Variants in PCDHGA4 observed in about 807,000 individuals in gnomAD.
PCDHGA4 encodes the protein protocadherin gamma-A4.
PCDHGA4 carries 38 observed loss-of-function variants against 54.6 expected under a neutral mutation model. The observed-to-expected ratio is 0.70, with a 90% CI of 0.54 to 0.91. The LOEUF (loss-of-function observed/expected upper bound fraction) is 0.91, where lower values mean the gene tolerates loss of function less well. PCDHGA4 is among the 40% of genes least tolerant of loss of function. The pLI, the probability that PCDHGA4 is intolerant of heterozygous loss-of-function variation, is 0.00. For missense variants in PCDHGA4, 1,298 were observed against 1,220.9 expected, an observed-to-expected ratio of 1.06 and a Z score of -0.94; for synonymous variants, 511 against 512.9, an observed-to-expected ratio of 1.00 and a Z score of 0.05.
chr5:141,384,366 T>C (rs573164893), intron 1 of PCDHGA4: 2 of 1,613,896 alleles, frequency 1.2e-6, no homozygotes, highest in Middle Eastern at 1.6e-4. Flanking sequence ...AGATCACTTA[T>C]TCCTTGGCCG....
At chr5:141,427,249 G>A (rs1417336994) in intron 1 of PCDHGA4, 1 of 456,742 alleles carries the variant, frequency 2.2e-6, no homozygotes, top group African/African-American at 2.0e-5. Context: ...GCTAAGGATG[G>A]TGGAGGCATG....
chr5:141,409,233 G>A, intron 1 of PCDHGA4: 2 of 1,614,008 alleles, frequency 1.2e-6, no homozygotes, highest in Non-Finnish European at 1.7e-6. Flanking sequence ...AACGACAACA[G>A]CCCAGAAATA....
intron 2 of PCDHGA4, among the ~76,000 whole-genome samples, chr5:141,496,903 A>G (rs990378360): frequency 1.1e-4 from 16 of 150,744 alleles, no homozygotes; most frequent in Non-Finnish European, 2.4e-4. Flanking sequence ...AAAAAAAAAA[A>G]GGCTGGGCAC....
intron 1 of PCDHGA4, chr5:141,400,435 A>G (rs2094019562): frequency 6.2e-7 from 1 of 1,614,078 alleles, no homozygotes. Flanking sequence ...TGAGCAATTG[A>G]GTTCAGGACA....
rs146574799 is a variant in PCDHGA4, at chr5:141,487,337, G to A, written c.2515-7470G>A. The A allele has an allele frequency of 1.4e-5, 23 of 1,614,054 alleles. No individual in the cohort carries two copies. The highest frequency in any genetic ancestry group is 3.3e-5 in the Admixed American group (2 of 60,002). The stretch of plus-strand genomic sequence containing the variant: ...TAAGTGTCTTCGTGGGGCAGCCTGT[G>A]GAGTCACATGCTTTCCTGCTGGCAC... On this transcript the variant is annotated intron_variant, in intron 1 of 3. Coordinates refer to ENST00000571252, the MANE Select transcript of PCDHGA4 (RefSeq NM_018917.4). The surrounding 1 kb of genome is among the most constrained non-coding windows in gnomAD (Gnocchi z 5.0).
chr5:141,410,332 C>T (rs541138780), intron 1 of PCDHGA4: 2 of 1,614,002 alleles, frequency 1.2e-6, no homozygotes, highest in Non-Finnish European at 1.7e-6. Context: ...TGATTCTGGC[C>T]ATTGCCTTGC....
At chr5:141,374,338 C>T in intron 1 of PCDHGA4, 1 of 1,613,994 alleles carries the variant, frequency 6.2e-7, no homozygotes, top group Non-Finnish European at 8.5e-7. Context: ...GCAGCTTGGT[C>T]ACCGCGGGTA....
intron 1 of PCDHGA4, chr5:141,389,656 C>T (rs763730959): frequency 1.2e-6 from 2 of 1,612,538 alleles, no homozygotes; most frequent in Non-Finnish European, 1.7e-6. Context: ...AAGGTAGTGG[C>T]GGTGGACGCA....
intron 1 of PCDHGA4, among the ~76,000 whole-genome samples, chr5:141,467,039 A>G (rs1467529268): frequency 2.6e-5 from 4 of 150,960 alleles, no homozygotes; most frequent in Non-Finnish European, 5.9e-5. Context: ...TTTTTTGTGT[A>G]ATGAATCAAT....
chr5:141,422,092 G>A (rs2154549502), intron 1 of PCDHGA4: 6 of 1,611,520 alleles, frequency 3.7e-6, no homozygotes, highest in Non-Finnish European at 5.1e-6. Flanking sequence ...GGAAAGCAAG[G>A]CTTCTGAAAT....
At chr5:141,483,737 G>T (rs1052778197) in intron 1 of PCDHGA4, among the ~76,000 whole-genome samples, 1 of 152,102 alleles carries the variant, frequency 6.6e-6, no homozygotes, top group Admixed American at 6.5e-5. Flanking sequence ...TAGTCAAAAG[G>T]ATATTCCTGA....
intron 1 of PCDHGA4, chr5:141,409,290 G>T: frequency 6.2e-7 from 1 of 1,613,974 alleles, no homozygotes; most frequent in Non-Finnish European, 8.5e-7. Flanking sequence ...TCACCTCCAG[G>T]AATGGTTGTT....
chr5:141,392,498 A>AT (rs201401101), intron 1 of PCDHGA4: 334 of 217,284 alleles, frequency 1.5e-3, no homozygotes, highest in East Asian at 0.014. Flanking sequence ...TAAGCAAATG[A>AT]TTTTTTTTTC....
Position 141,355,053 on chromosome 5 carries a change from G to A in PCDHGA4, c.-55G>A, listed in dbSNP as rs1759700050. On this transcript the variant is annotated 5_prime_UTR_variant, in exon 1 of 4. Coordinates refer to ENST00000571252, the MANE Select transcript of PCDHGA4 (RefSeq NM_018917.4). ...CAAGATTTCTGCAGCACAAAGCACT[G>A]GCTCTGGAGCTTTATGAAAGCTTCA... 3 of 1,205,186 alleles carry A rather than the reference G, an allele frequency of 2.5e-6. No individual in the cohort carries two copies. Among genetic ancestry groups the A allele is most frequent in the Non-Finnish European group, 3.4e-6 (3 of 886,526 alleles). The allele number at this position is 1,205,186 out of a possible 1,614,324, so 74.7% of individuals were successfully genotyped here.
Position 141,453,270 on chromosome 5 carries a change from T to C in PCDHGA4, c.2515-41537T>C, listed in dbSNP as rs1592250907. 4.6e-5 allele frequency among the ~76,000 whole-genome samples: 7 copies of C among 152,146 alleles called. No homozygotes were observed. In the South Asian group the frequency reaches 1.5e-3, roughly 32 times the overall value. On this transcript the variant is annotated intron_variant, in intron 1 of 3. Transcript: ENST00000571252. The stretch of plus-strand genomic sequence containing the variant: ...CTGGGGCTGCAAGTGCACACCACCA[T>C]GACTGGCTAATTTTTTAATTATTTA...
chr5:141,369,800 C>T lies in PCDHGA4; in HGVS notation c.2514+12179C>T, dbSNP rs192992906. 3.3e-3 allele frequency among the ~76,000 whole-genome samples: 501 copies of T among 152,282 alleles called. 3 individuals are homozygous for T. Among genetic ancestry groups the T allele is most frequent in the Non-Finnish European group, 5.3e-3 (361 of 68,024 alleles). ...AAGCCTCTTTATACTACGTCTTCTG[C>T]CATCACCAAAAATAGCTTCCATTTG... On this transcript the variant is annotated intron_variant, in intron 1 of 3. Transcript: ENST00000571252.
At chr5:141,383,532 C>T (rs1249909520) in intron 1 of PCDHGA4, 4 of 1,612,320 alleles carry the variant, frequency 2.5e-6, no homozygotes, top group Non-Finnish European at 3.4e-6. Context: ...ACCACCTGGT[C>T]CTCACAGCCT....
intron 1 of PCDHGA4, chr5:141,372,797 C>A (rs1216879551): frequency 3.1e-6 from 5 of 1,597,434 alleles, no homozygotes; most frequent in Non-Finnish European, 3.4e-6. Context: ...CTAATTCAGG[C>A]AATTTGCAAA....
At chr5:141,450,006 C>CTATTTTTTTTT (rs70988802) in intron 1 of PCDHGA4, among the ~76,000 whole-genome samples, 2 of 132,964 alleles carry the variant, frequency 1.5e-5, no homozygotes, top group African/African-American at 2.8e-5. Flanking sequence ...TGCCATGTCT[C>CTATTTTTTTTT]TTTTTTTTTT....
Sources: gnomAD v4.1 joint callset for allele counts (sites outside exome capture counted in the v4.1 genomes callset) on GRCh38, gnomAD v4.1.1 for gene constraint, Gnocchi (gnomAD v3.1) non-coding constraint, MANE v1.5 for transcripts, NCBI Gene and HGNC (gene_info 2026-07-23, HGNC 2026-07-21) for gene names.